CNTN5: variants seen among roughly 807,000 people sequenced by gnomAD.
The protein encoded by CNTN5 is contactin 5.
CNTN5 carries 77 observed loss-of-function variants against 129.1 expected under a neutral mutation model. The observed-to-expected ratio is 0.60, with a 90% confidence interval of 0.50 to 0.72. The LOEUF (loss-of-function observed/expected upper bound fraction) is 0.72, where lower values mean the gene tolerates loss of function less well. CNTN5 is among the 30% of genes least tolerant of loss of function. CNTN5 has a pLI of 0.00. For synonymous variants in CNTN5, 509 were observed against 465.6 expected (o/e 1.09, Z -1.20); for missense variants, 1,478 against 1,328.8 (o/e 1.11, Z -1.75).
intron 3 of CNTN5, among the ~76,000 whole-genome samples, chr11:99,579,544 A>G (rs1419021351): frequency 2.7e-5 from 4 of 148,930 alleles, no homozygotes; most frequent in African/African-American, 1.0e-4. Context: ...GAGGTCCTTC[A>G]CATCCCTTGT....
chr11:100,320,598 G>GT (rs930439477), intron 21 of CNTN5, among the ~76,000 whole-genome samples: 30 of 151,520 alleles, frequency 2.0e-4, no homozygotes, highest in Middle Eastern at 6.8e-3. Flanking sequence ...GTTGCCTGTG[G>GT]TTTTTTTTGG....
chr11:99,743,142 T>C (rs1943938441), intron 3 of CNTN5, among the ~76,000 whole-genome samples: 2 of 151,404 alleles, frequency 1.3e-5, no homozygotes, highest in African/African-American at 4.9e-5. Context: ...GAGAGATATA[T>C]CATGTTGAAA....
At chr11:99,941,587 A>ACACACACACACACACACACACAC (rs1565701690) in intron 7 of CNTN5, among the ~76,000 whole-genome samples, 1 of 64,432 alleles carries the variant, frequency 1.6e-5, no homozygotes, top group Non-Finnish European at 3.9e-5. Context: ...CACACACACA[A>ACACACACACACACACACACACAC]AGAGAAAGAG....
At chr11:99,985,082 A>G (rs557876592) in intron 8 of CNTN5, among the ~76,000 whole-genome samples, 281 of 152,206 alleles carry the variant, frequency 1.8e-3, no homozygotes, top group African/African-American at 6.5e-3. Flanking sequence ...TCCACTACCC[A>G]TAGAGTGCAG....
chr11:99,815,865 T>C (rs1946570380), intron 3 of CNTN5, among the ~76,000 whole-genome samples: 1 of 152,164 alleles, frequency 6.6e-6, no homozygotes, highest in Middle Eastern at 3.2e-3. Flanking sequence ...TTGTCTAGGA[T>C]CCCAACTCCT....
intron 4 of CNTN5, among the ~76,000 whole-genome samples, chr11:99,839,404 A>C (rs777775458): frequency 6.6e-6 from 1 of 152,084 alleles, no homozygotes. Context: ...CTACTATGAC[A>C]AGCGTTTTAT....
At chr11:99,045,350 C>T (rs1037876404) in intron 1 of CNTN5, among the ~76,000 whole-genome samples, 1 of 152,176 alleles carries the variant, frequency 6.6e-6, no homozygotes, top group Non-Finnish European at 1.5e-5. Flanking sequence ...ATGCTAAAAA[C>T]ATTTTATGCA....
intron 9 of CNTN5, among the ~76,000 whole-genome samples, chr11:100,013,456 A>C (rs1334615090): frequency 6.6e-6 from 1 of 152,186 alleles, no homozygotes; most frequent in African/African-American, 2.4e-5. Flanking sequence ...TCAGTGGAAC[A>C]AAAAAGGACA....
chr11:99,471,024 T>A (rs1382591911), intron 2 of CNTN5, among the ~76,000 whole-genome samples: 1 of 152,038 alleles, frequency 6.6e-6, no homozygotes, highest in East Asian at 1.9e-4. Flanking sequence ...CAAAATAATA[T>A]CTGAACTGAT....
intron 3 of CNTN5, among the ~76,000 whole-genome samples, chr11:99,649,056 G>C (rs1416979676): frequency 6.6e-6 from 1 of 151,608 alleles, no homozygotes; most frequent in African/African-American, 2.4e-5. Context: ...GATATTGAAA[G>C]TTCCCAATAA....
At chr11:99,509,968 A>G (rs1946773167) in intron 2 of CNTN5, among the ~76,000 whole-genome samples, 1 of 151,554 alleles carries the variant, frequency 6.6e-6, no homozygotes, top group Non-Finnish European at 1.5e-5. Flanking sequence ...AAGTCTATAT[A>G]CAAATGTCGC....
chr11:99,048,817 C>T (rs1282570344), intron 1 of CNTN5, among the ~76,000 whole-genome samples: 1 of 152,088 alleles, frequency 6.6e-6, no homozygotes, highest in Non-Finnish European at 1.5e-5. Flanking sequence ...ATCTTAAGCC[C>T]ACATCTTAGG....
intron 1 of CNTN5, among the ~76,000 whole-genome samples, chr11:99,295,657 A>G (rs1303596628): frequency 6.6e-6 from 1 of 151,354 alleles, no homozygotes; most frequent in Non-Finnish European, 1.5e-5. Flanking sequence ...CGGGTGGATC[A>G]TGAGGTCAGG....
intron 2 of CNTN5, among the ~76,000 whole-genome samples, chr11:99,405,526 T>C (rs913099954): frequency 9.2e-5 from 14 of 151,956 alleles, no homozygotes; most frequent in Non-Finnish European, 1.9e-4. Context: ...AATTGCATTT[T>C]TCACCTACAG....
At chr11:99,332,832 A>T (rs1866057708) in intron 2 of CNTN5, among the ~76,000 whole-genome samples, 1 of 152,116 alleles carries the variant, frequency 6.6e-6, no homozygotes, top group South Asian at 2.1e-4. Context: ...TCCAAGTGTC[A>T]GTATTTACCT....
At chr11:99,662,101 T>G (rs1244287566) in intron 3 of CNTN5, among the ~76,000 whole-genome samples, 1 of 152,170 alleles carries the variant, frequency 6.6e-6, no homozygotes, top group Non-Finnish European at 1.5e-5. Context: ...TGAATTTACA[T>G]AAACATTTTT....
At chr11:99,501,930 C>T (rs932227368) in intron 2 of CNTN5, among the ~76,000 whole-genome samples, 9 of 152,230 alleles carry the variant, frequency 5.9e-5, no homozygotes, top group South Asian at 2.1e-4. Flanking sequence ...CTTTTATTAG[C>T]GTAAATGATT....
intron 18 of CNTN5, among the ~76,000 whole-genome samples, chr11:100,274,092 G>A (rs529537921): frequency 5.9e-5 from 9 of 152,062 alleles, no homozygotes; most frequent in African/African-American, 2.2e-4. Flanking sequence ...TCTGATTTTC[G>A]ACAAATCTGA....
chr11:99,696,095 A>C (rs1954258238), intron 3 of CNTN5, among the ~76,000 whole-genome samples: 1 of 152,096 alleles, frequency 6.6e-6, no homozygotes, highest in African/African-American at 2.4e-5. Flanking sequence ...TTCTAAACTG[A>C]AAAGGGATGT....
Sources: allele counts gnomAD v4.1 joint callset (sites outside exome capture counted in the v4.1 genomes callset), GRCh38; gene constraint gnomAD v4.1.1; transcripts MANE v1.5; gene names NCBI Gene and HGNC (gene_info 2026-07-23, HGNC 2026-07-21).